SCN1A: variants seen among roughly 807,000 people sequenced by gnomAD.
SCN1A encodes sodium voltage-gated channel alpha subunit 1, also known as sodium channel protein type 1 subunit alpha.
In SCN1A, 13 loss-of-function variants were observed where a neutral mutation model predicts 193.7. That is an observed-to-expected ratio of 0.07 (90% CI 0.04 to 0.11). The LOEUF is 0.11. SCN1A is among the 10% of genes least tolerant of loss of function. The probability of loss-of-function intolerance (pLI) is 1.00; values close to 1 mark genes in which losing one functional copy is unlikely to be tolerated. For synonymous variants in SCN1A, 781 were observed against 843.6 expected (o/e 0.93, Z 1.29); for missense variants, 1,432 against 2,451.1 (o/e 0.58, Z 8.78).
In SCN1A at chr2:165,991,517, C is replaced by G. The variant is rs1425237117; in HGVS notation, c.5758G>C (p.Val1920Leu). The change falls in exon 29 of 29, where the codon GTC (valine) becomes CTC (leucine). Residue 1920 changes from valine to leucine, a missense_variant. Coordinates refer to ENST00000674923, the MANE Select transcript of SCN1A (RefSeq NM_001165963.4). ...LKRKQEEVSA[V>L]IIQRAYRRHL... Reference sequence around the variant, plus strand: ...CGTCTGTAAGCACGCTGAATAATGACAGCAGATACTTCCTCTTGTTTTCGT... The same window carrying G: ...CGTCTGTAAGCACGCTGAATAATGAGAGCAGATACTTCCTCTTGTTTTCGT... The G allele has an allele frequency of 6.2e-7, 1 of 1,613,946 alleles. No individual in the cohort carries two copies. Among genetic ancestry groups the G allele is most frequent in the Admixed American group, 1.7e-5 (1 of 59,984 alleles).
At position 166,127,813 on chromosome 2, in the gene SCN1A, T is replaced by A. The variant is rs969491559; in HGVS notation, c.-271A>T. ...TATCCATCTGCAGTGAGGAACAGCA[T>A]CACCCAAAGACGAGATGATAACAAT... On this transcript the variant is annotated 5_prime_UTR_variant, in exon 1 of 29. It removes an upstream start codon present in the reference 5' UTR. Transcript: ENST00000674923. The A allele has an allele frequency of 3.9e-5, 6 of 152,114 alleles. No homozygotes were observed. The highest frequency in any genetic ancestry group is 8.8e-5 in the Non-Finnish European group (6 of 68,020). The allele number at this position is 152,114 out of a possible 1,614,324, so 9.4% of individuals were successfully genotyped here.
chr2:166,121,647 G>A (rs1259538760), intron 2 of SCN1A, among the ~76,000 whole-genome samples: 1 of 152,128 alleles, frequency 6.6e-6, no homozygotes, highest in African/African-American at 2.4e-5. Flanking sequence ...TCCAGTAGGA[G>A]GAGGGTATGA....
At chr2:166,125,486 C>G (rs546827903) in intron 2 of SCN1A, among the ~76,000 whole-genome samples, 5 of 152,160 alleles carry the variant, frequency 3.3e-5, no homozygotes, top group African/African-American at 9.7e-5. Flanking sequence ...TGGTTGGTGA[C>G]GTCCTAGAGG....
chr2:166,000,009 A>G (rs1690614706), intron 24 of SCN1A: 5 of 546,120 alleles, frequency 9.2e-6, no homozygotes, highest in Non-Finnish European at 1.6e-5. Flanking sequence ...TAACCAACTC[A>G]CAAGCACTTT....
intron 2 of SCN1A, among the ~76,000 whole-genome samples, chr2:166,124,470 C>G (rs1331625487): frequency 2.0e-5 from 3 of 152,066 alleles, no homozygotes; most frequent in Admixed American, 6.6e-5. Flanking sequence ...TCACTTCAAC[C>G]CGGGAGGCAG....
At chr2:165,999,435 G>T (rs1270375447) in intron 25 of SCN1A, among the ~76,000 whole-genome samples, 1 of 151,418 alleles carries the variant, frequency 6.6e-6, no homozygotes, top group East Asian at 1.9e-4. Flanking sequence ...ATTATATAAT[G>T]TGTGGATAAA....
rs375558519 is a variant in SCN1A at position 166,041,249 on chromosome 2, C to G, written c.2397G>C (p.Val799=). ...TGCTTACCAAGTTTCCTACTGTAAG[C>G]ACATTATTGAAATGGTCCGTCATTG... The part of the protein sequence containing the change: ...HYPMTDHFNN[V]LTVGNLVFTG... The change falls in exon 16 of 29, where the codon GTG becomes GTC. Residue 799 remains valine (V), a synonymous_variant. Coordinates refer to ENST00000674923, the MANE Select transcript of SCN1A (RefSeq NM_001165963.4). The G allele has an allele frequency of 1.9e-6, 3 of 1,611,742 alleles. No individual in the cohort carries two copies. Among genetic ancestry groups the G allele is most frequent in the African/African-American group, 2.7e-5 (2 of 74,852 alleles).
chr2:166,066,203 TAAC>T (rs1054942118), intron 4 of SCN1A, among the ~76,000 whole-genome samples: 18 of 152,150 alleles, frequency 1.2e-4, no homozygotes, highest in African/African-American at 3.9e-4. Context: ...GAAGAAATTA[TAAC>T]AACAAGGAAA....
rs182843664 is a variant in SCN1A, at chr2:166,052,399, C to A, written c.695-411G>T. 2.0e-5 allele frequency among the ~76,000 whole-genome samples: 3 copies of A among 151,824 alleles called. No homozygotes were observed. In the East Asian group the frequency reaches 5.8e-4, roughly 29 times the overall value. Reference sequence around the variant, plus strand: ...AGTAGGAAAGATTTTGCTGTACAACCGAAAATGGTCTGCAGTATAATTGTG... The same window carrying A: ...AGTAGGAAAGATTTTGCTGTACAACAGAAAATGGTCTGCAGTATAATTGTG... On this transcript the variant is annotated intron_variant, in intron 8 of 28. Transcript: ENST00000674923.
At chr2:166,123,358 A>G (rs1224648) in intron 2 of SCN1A, 1 of 151,434 alleles carries the variant, frequency 6.6e-6, no homozygotes, top group African/African-American at 2.4e-5. Flanking sequence ...TCTTGCCTGC[A>G]CCTGGTCAGT....
At chr2:166,044,326 C>G (rs574230042) in intron 13 of SCN1A, among the ~76,000 whole-genome samples, 3 of 152,002 alleles carry the variant, frequency 2.0e-5, no homozygotes, top group East Asian at 3.9e-4. Context: ...ACACCCTGAA[C>G]GACCATTTCT....
Position 166,009,770 on chromosome 2 carries a change from T to G in SCN1A, c.3951A>C (p.Thr1317=). 1.2e-6 allele frequency: 2 copies of G among 1,607,062 alleles called. No individual in the cohort carries two copies. Among genetic ancestry groups the G allele is most frequent in the Non-Finnish European group, 1.7e-6 (2 of 1,174,968 alleles). ...CTCTTAGAGGTCTCAGAGCTCTTAG[T>G]GTCCTGAGAGATTTGATGGCTCCAA... The part of the protein sequence containing the change: ...SELGAIKSLR[T]LRALRPLRAL... Residue 1317 remains threonine (T), a synonymous_variant, in exon 23 of 29, where the codon ACA becomes ACC. Coordinates refer to ENST00000674923, the MANE Select transcript of SCN1A (RefSeq NM_001165963.4).
chr2:166,035,984 C>G, intron 19 of SCN1A, 64 bp downstream of exon 19: 2 of 1,495,554 alleles, frequency 1.3e-6, no homozygotes, highest in South Asian at 2.3e-5. Context: ...TGAGGATCAT[C>G]TGTATGTGTG....
intron 2 of SCN1A, among the ~76,000 whole-genome samples, chr2:166,086,906 C>G (rs1456405021): frequency 6.6e-6 from 1 of 152,034 alleles, no homozygotes; most frequent in African/African-American, 2.4e-5. Context: ...GTGGACACTA[C>G]CAGATGTCCA....
rs138978438 is a variant in SCN1A, at chr2:166,040,434, A to G, written c.2415+797T>C. Among the ~76,000 whole-genome samples the G allele has an allele frequency of 2.0e-4, 31 of 152,296 alleles. No individual in the cohort carries two copies. The East Asian group carries it at 4.8e-3, about 24-fold the overall frequency. ...TTTGTTATGCACATGAAAAAAATAAATTTACTTCTGTAGTATAAATAGTAG... is the reference window on the plus strand; with the variant it reads ...TTTGTTATGCACATGAAAAAAATAAGTTTACTTCTGTAGTATAAATAGTAG... On this transcript the variant is annotated intron_variant, in intron 16 of 28. Coordinates refer to ENST00000674923, the MANE Select transcript of SCN1A (RefSeq NM_001165963.4).
chr2:166,113,893 T>C (rs1301957920), intron 2 of SCN1A, among the ~76,000 whole-genome samples: 1 of 152,284 alleles, frequency 6.6e-6, no homozygotes, highest in East Asian at 1.9e-4. Flanking sequence ...ATTGATAAAA[T>C]AATAATTAAA....
intron 16 of SCN1A, 87 bp downstream of exon 16, chr2:166,041,144 G>T: frequency 9.8e-7 from 1 of 1,016,724 alleles, no homozygotes; most frequent in Non-Finnish European, 1.6e-6. Context: ...AAGGATGGTT[G>T]AAAGACTGCT....
At chr2:166,142,916 G>A (rs1692150503) in intron 1 of SCN1A, among the ~76,000 whole-genome samples, 1 of 152,182 alleles carries the variant, frequency 6.6e-6, no homozygotes, top group Admixed American at 6.5e-5. Flanking sequence ...CTGCAGCCAT[G>A]TAAGGCGTGT....
At position 166,045,232 on chromosome 2, in the gene SCN1A, G is replaced by A. The variant is rs1460962691; in HGVS notation, c.1473C>T (p.Ser491=). 6.2e-7 allele frequency: 1 copy of A among 1,614,020 alleles called. No homozygotes were observed. The change falls in exon 13 of 29, where the codon TCC becomes TCT. Residue 491 remains serine, a synonymous_variant. Transcript: ENST00000674923. ...GATTTCTTCTTTCCTTAGCACTCTT[G>A]GAACTCAACTTAGAGGCTTCAGATG... The part of the protein sequence containing the change: ...DSSSEASKLS[S]KSAKERRNRR...
Sources: gnomAD v4.1 joint callset for allele counts (sites outside exome capture counted in the v4.1 genomes callset) on GRCh38, gnomAD v4.1.1 for gene constraint, MANE v1.5 for transcripts, NCBI Gene and HGNC (gene_info 2026-07-23, HGNC 2026-07-21) for gene names.